Variants in COL4A2 observed in about 807,000 individuals in gnomAD.
COL4A2 encodes collagen type IV alpha 2 chain, also known as collagen alpha-2(IV) chain.
Under a neutral mutation model 200.2 loss-of-function variants are expected in COL4A2, and 99 were observed. That is an observed-to-expected ratio of 0.49 (90% CI 0.42 to 0.58). COL4A2 has a LOEUF of 0.58. Ranked by LOEUF, COL4A2 falls within the 20% of genes least tolerant of loss-of-function variation. The pLI is 0.00. For missense variants in COL4A2, 1,950 were observed against 2,314.1 expected, an observed-to-expected ratio of 0.84 and a Z score of 3.23; for synonymous variants, 897 against 900.6, an observed-to-expected ratio of 1.00 and a Z score of 0.07.
rs58124222 is a variant in COL4A2, at chr13:110,480,600, G to A, written c.2758+210G>A. 0.2 allele frequency among the ~76,000 whole-genome samples: 30,704 copies of A among 152,120 alleles called. 3,205 individuals are homozygous for A. The highest frequency in any genetic ancestry group is 0.27 in the African/African-American group (11,064 of 41,500). On this transcript the variant is annotated intron_variant, in intron 31 of 47. Transcript: ENST00000360467. ...GCTTAGACGCGGGTGGGACCAATGTGCCTCACAAAGCCAGTTTATGAATTT... is the reference window on the plus strand; with the variant it reads ...GCTTAGACGCGGGTGGGACCAATGTACCTCACAAAGCCAGTTTATGAATTT...
In COL4A2 at chr13:110,506,349, ACTCT is replaced by A. The variant is rs563468700; in HGVS notation, c.4403-59_4403-56del. The A allele has an allele frequency of 9.2e-5, 134 of 1,454,978 alleles. No individual in the cohort carries two copies. In the African/African-American group the frequency reaches 1.7e-3, roughly 19 times the overall value. 90.1% of individuals were successfully genotyped at this position (1,454,978 alleles called of 1,614,324 possible). On this transcript the variant is annotated intron_variant, in intron 45 of 47. Transcript: ENST00000360467. ...AGGCTGTAGGTGCACCAGGCCGTCCACTCTCTCTCTTTCTCGGGCTGCAGGTGCA... is the reference window on the plus strand; with the variant it reads ...AGGCTGTAGGTGCACCAGGCCGTCCACTCTCTTTCTCGGGCTGCAGGTGCA...
At chr13:110,401,433 T>C (rs923162397) in intron 4 of COL4A2, among the ~76,000 whole-genome samples, 7 of 152,206 alleles carry the variant, frequency 4.6e-5, no homozygotes, top group African/African-American at 1.4e-4. Flanking sequence ...TAAGTGGGTT[T>C]TGAAGAGACA....
chr13:110,429,989 G>A (rs761017209), intron 8 of COL4A2, 33 bp downstream of exon 8: 110 of 1,512,216 alleles, frequency 7.3e-5, no homozygotes, highest in Non-Finnish European at 9.2e-5. Flanking sequence ...GGGTAATGAA[G>A]GGACCCAGTG....
At chr13:110,433,176 TC>T (rs1880745910) in intron 11 of COL4A2, among the ~76,000 whole-genome samples, 1 of 152,212 alleles carries the variant, frequency 6.6e-6, no homozygotes, top group African/African-American at 2.4e-5. Context: ...GCCCCCAGGC[TC>T]CTGTCCCCTC....
chr13:110,387,724 A>G (rs1485265652), intron 4 of COL4A2, among the ~76,000 whole-genome samples: 2 of 152,212 alleles, frequency 1.3e-5, no homozygotes, highest in South Asian at 2.1e-4. Context: ...GGGGCCAAGT[A>G]GGCAGCCTTG....
Position 110,436,314 on chromosome 13 carries a change from C to G in COL4A2, c.772C>G (p.Leu258Val). ...PGPNGIPSDTLHPIIAPTGVT... is the reference protein window; with the variant it reads ...PGPNGIPSDTVHPIIAPTGVT... ...ACCCAACGGGATTCCATCAGACACC[C>G]TCCACCCCATCATCGCGCCCACAGG... Residue 258 changes from leucine to valine, a missense_variant, in exon 13 of 48, where the codon CTC (leucine) becomes GTC (valine). Coordinates refer to ENST00000360467, the MANE Select transcript of COL4A2 (RefSeq NM_001846.4). The G allele has an allele frequency of 6.2e-7, 1 of 1,613,908 alleles. No individual in the cohort carries two copies. The highest frequency in any genetic ancestry group is 8.5e-7 in the Non-Finnish European group (1 of 1,180,022).
chr13:110,359,687 G>A (rs558221822), intron 4 of COL4A2, among the ~76,000 whole-genome samples: 62 of 152,304 alleles, frequency 4.1e-4, no homozygotes, highest in Middle Eastern at 3.4e-3. Flanking sequence ...GCTGAGGTGC[G>A]ATGCCGCTGC....
Position 110,393,583 on chromosome 13 carries a change from G to GA in COL4A2, c.181-31151_181-31150insA, listed in dbSNP as rs111823390. Among the ~76,000 whole-genome samples, 186 of 150,626 alleles carry GA rather than the reference G, an allele frequency of 1.2e-3. 1 individual carries two copies. Among genetic ancestry groups the GA allele is most frequent in the African/African-American group, 4.3e-3 (178 of 41,086 alleles). ...TTTAAGAGAATCCCACTATAAAGAG[G>GA]GAAAAAAAAAAAAGGCCAGGCCCGG... On this transcript the variant is annotated intron_variant, in intron 4 of 47. Transcript: ENST00000360467.
chr13:110,437,103 T>G (rs1190237721), intron 13 of COL4A2, among the ~76,000 whole-genome samples: 1 of 152,228 alleles, frequency 6.6e-6, no homozygotes, highest in Non-Finnish European at 1.5e-5. Flanking sequence ...AAATAGAATC[T>G]GGTTCCCAAC....
intron 30 of COL4A2, among the ~76,000 whole-genome samples, chr13:110,478,367 T>A (rs181069401): frequency 6.6e-6 from 1 of 152,170 alleles, no homozygotes; most frequent in East Asian, 1.9e-4. Context: ...GTACCTGTTG[T>A]ATATATTAAG....
At chr13:110,316,272 G>A (rs955907801) in intron 3 of COL4A2, among the ~76,000 whole-genome samples, 2 of 152,170 alleles carry the variant, frequency 1.3e-5, no homozygotes, top group Admixed American at 6.5e-5. Flanking sequence ...GGAGTAATGG[G>A]ACCCTGTGAG....
At position 110,432,330 on chromosome 13, in the gene COL4A2, ACCTGGACCC is replaced by A. The variant is rs1418995486; in HGVS notation, c.663_671del (p.Pro222_Pro224del). 6.2e-7 allele frequency: 1 copy of A among 1,610,876 alleles called. No homozygotes were observed. The highest frequency in any genetic ancestry group is 1.1e-5 in the South Asian group (1 of 90,402). On this transcript the variant is annotated inframe_deletion, in exon 11 of 48. Coordinates refer to ENST00000360467, the MANE Select transcript of COL4A2 (RefSeq NM_001846.4). ...ATTTCTTTGTATTTGTACAGGGACC[ACCTGGACCC>A]CCTGGACCAAAAGGACAGCAAGTAA...
rs529661399 is a variant in COL4A2, at chr13:110,473,076, G to C, written c.2351G>C (p.Arg784Pro). ...GTCCTGGGAGCTCAGCCCGGGCCAC[G>C]GGGAGATGCTGGTGTGCCTGGACAG... ...GEVLGAQPGP[R>P]GDAGVPGQPG... Residue 784 changes from arginine (R) to proline (P), a missense_variant, in exon 29 of 48, where the codon CGG becomes CCG. This residue lies in a region of COL4A2 where 1,385 missense variants were observed against 1,720.5 expected (regional missense o/e 0.80). Transcript: ENST00000360467. 3.2e-6 allele frequency: 5 copies of C among 1,541,916 alleles called. No homozygotes were observed. Among genetic ancestry groups the C allele is most frequent in the Non-Finnish European group, 3.5e-6 (4 of 1,144,076 alleles).
intron 23 of COL4A2, 30 bp downstream of exon 23, chr13:110,462,216 G>A: frequency 6.2e-7 from 1 of 1,614,256 alleles, no homozygotes; most frequent in South Asian, 1.1e-5. Context: ...CGCGGCCCCT[G>A]GGGCACTGAG....
At chr13:110,325,677 G>A (rs901405385) in intron 3 of COL4A2, among the ~76,000 whole-genome samples, 1 of 152,182 alleles carries the variant, frequency 6.6e-6, no homozygotes, top group Admixed American at 6.5e-5. Context: ...GCTTACCCCG[G>A]TAGGTGCTGC....
At chr13:110,374,616 A>G (rs895163884) in intron 4 of COL4A2, among the ~76,000 whole-genome samples, 3 of 152,148 alleles carry the variant, frequency 2.0e-5, no homozygotes, top group Non-Finnish European at 4.4e-5. Context: ...TGGCAAATCG[A>G]TTTGGCTCTT....
chr13:110,378,161 G>A (rs1179634189), intron 4 of COL4A2, among the ~76,000 whole-genome samples: 1 of 152,194 alleles, frequency 6.6e-6, no homozygotes, highest in Non-Finnish European at 1.5e-5. Flanking sequence ...TCTGAGCAGA[G>A]TTTTCTGCTT....
At chr13:110,474,137 GAA>G (rs1882586560) in intron 29 of COL4A2, among the ~76,000 whole-genome samples, 1 of 151,930 alleles carries the variant, frequency 6.6e-6, no homozygotes, top group Admixed American at 6.6e-5. Context: ...AAAAAGAAAA[GAA>G]AAGAAAAGAA....
At position 110,503,924 on chromosome 13, in the gene COL4A2, C is replaced by A; in HGVS notation, c.4216C>A (p.Pro1406Thr). 6.2e-7 allele frequency: 1 copy of A among 1,603,860 alleles called. No homozygotes were observed. The highest frequency in any genetic ancestry group is 1.1e-5 in the South Asian group (1 of 90,056). Reference sequence around the variant, plus strand: ...TGCCGTCCAACCAGGGACAGTGGGTCCCCAGGGGAGGCGAGGCCCCCCTGG... The same window carrying A: ...TGCCGTCCAACCAGGGACAGTGGGTACCCAGGGGAGGCGAGGCCCCCCTGG... The part of the protein sequence containing the change: ...KIAVQPGTVG[P>T]QGRRGPPGAP... The change falls in exon 44 of 48, where the codon CCC becomes ACC. Residue 1406 changes from proline (P) to threonine (T), a missense_variant. Transcript: ENST00000360467.
Sources: gnomAD v4.1 joint callset for allele counts (sites outside exome capture counted in the v4.1 genomes callset) on GRCh38, gnomAD v4.1.1 for gene constraint, gnomAD v4.1.1 regional missense constraint, MANE v1.5 for transcripts, NCBI Gene and HGNC (gene_info 2026-07-23, HGNC 2026-07-21) for gene names.